The following ZNF420 variants were observed in gnomAD, a reference collection of about 807,000 sequenced individuals.
ZNF420 encodes zinc finger protein 420.
Under a neutral mutation model 44.7 loss-of-function variants are expected in ZNF420, and 31 were observed. That is an observed-to-expected ratio of 0.69 (90% confidence interval 0.52 to 0.94). The LOEUF (loss-of-function observed/expected upper bound fraction) is 0.94, where lower values mean the gene tolerates loss of function less well. ZNF420 is among the 40% of genes least tolerant of loss of function. The pLI, the probability that ZNF420 is intolerant of heterozygous loss-of-function variation, is 0.00. For synonymous variants in ZNF420, 245 were observed against 267.4 expected, an observed-to-expected ratio of 0.92 and a Z score of 0.82; for missense variants, 681 against 827.9, an observed-to-expected ratio of 0.82 and a Z score of 2.18.
intron 1 of ZNF420, among the ~76,000 whole-genome samples, chr19:37,009,721 A>T (rs2074554186): frequency 1.3e-5 from 2 of 152,088 alleles, no homozygotes; most frequent in Admixed American, 6.5e-5. Context: ...GGCCCATGGG[A>T]TCTTTCTGTG....
chr19:37,122,026 T>C (rs1200456928), intron 4 of ZNF420, among the ~76,000 whole-genome samples: 4 of 152,238 alleles, frequency 2.6e-5, no homozygotes, highest in Admixed American at 2.6e-4. Flanking sequence ...GACTGTAAAC[T>C]AGTTCAACCA....
chr19:37,044,445 GC>G (rs1054331585), intron 1 of ZNF420, among the ~76,000 whole-genome samples: 6 of 152,298 alleles, frequency 3.9e-5, no homozygotes, highest in Admixed American at 6.5e-5. Flanking sequence ...CCTTAGACCA[GC>G]CCCCCAGTAA....
intron 1 of ZNF420, among the ~76,000 whole-genome samples, chr19:37,053,314 C>G (rs1350821283): frequency 6.6e-6 from 1 of 152,160 alleles, no homozygotes; most frequent in Non-Finnish European, 1.5e-5. Context: ...AAACTTCCTC[C>G]TTTAGCTCAG....
chr19:37,078,108 G>C (rs1352152239), upstream of ZNF420: 3 of 152,830 alleles, frequency 2.0e-5, no homozygotes, highest in Non-Finnish European at 4.4e-5. Flanking sequence ...CTGCCTGGCC[G>C]GCGGGTCCCA....
At chr19:37,017,924 T>C (rs1257884715) in intron 1 of ZNF420, among the ~76,000 whole-genome samples, 1 of 151,674 alleles carries the variant, frequency 6.6e-6, no homozygotes, top group Non-Finnish European at 1.5e-5. Context: ...CCCAAAAGAC[T>C]CCATAAACAA....
chr19:37,127,333 T>C lies in ZNF420; in HGVS notation c.342T>C (p.Tyr114=), dbSNP rs772507713. 6.2e-7 allele frequency: 1 copy of C among 1,611,680 alleles called. No individual in the cohort carries two copies. The highest frequency in any genetic ancestry group is 1.7e-5 in the Admixed American group (1 of 59,878). The stretch of plus-strand genomic sequence containing the variant: ...ATTTCAGGCAAGGGATGATCATATA[T>C]GACAAAATGTCCATTTTCAACCAGC... ...KEYFRQGMII[Y]DKMSIFNQHT... is the part of the protein sequence containing the mutation. The change falls in exon 5 of 5, where the codon TAT becomes TAC. Residue 114 remains tyrosine, a synonymous_variant. Coordinates refer to ENST00000337995, the MANE Select transcript of ZNF420 (RefSeq NM_144689.5).
chr19:37,071,633 T>G (rs1968058786), intron 1 of ZNF420, among the ~76,000 whole-genome samples: 1 of 152,064 alleles, frequency 6.6e-6, no homozygotes, highest in Non-Finnish European at 1.5e-5. Context: ...AAACCCCATC[T>G]CTACTGAAAA....
At chr19:37,081,056 CAAA>C (rs35087056) in intron 2 of ZNF420, among the ~76,000 whole-genome samples, 7 of 79,306 alleles carry the variant, frequency 8.8e-5, no homozygotes, top group Non-Finnish European at 1.1e-4. Flanking sequence ...GACTCTGTCT[CAAA>C]AAAAAAAAAA....
chr19:37,099,228 T>C (rs1969625534), intron 4 of ZNF420, among the ~76,000 whole-genome samples: 1 of 152,186 alleles, frequency 6.6e-6, no homozygotes, highest in African/African-American at 2.4e-5. Flanking sequence ...ATATGGTAGT[T>C]CTATGTTTAC....
Position 37,043,107 on chromosome 19 carries a change from TCAC to T in ZNF420, c.-125+35028_-125+35030del, listed in dbSNP as rs1395769497. Among the ~76,000 whole-genome samples the T allele has an allele frequency of 1.1e-4, 16 of 152,268 alleles. No individual in the cohort carries two copies. In the East Asian group the frequency reaches 2.9e-3, roughly 28 times the overall value. On this transcript the variant is annotated intron_variant, in intron 1 of 4. Transcript: ENST00000587029. ...TACCTCAAAGACCACCTATCACAGA[TCAC>T]CATAACAGAGTAATAGTAATCGAAA...
chr19:37,024,250 G>A (rs2562596), intron 1 of ZNF420, among the ~76,000 whole-genome samples: 3,666 of 152,098 alleles, frequency 0.024, 162 homozygotes, highest in African/African-American at 0.083. Context: ...GATTGAACTA[G>A]TGTAACTCTG....
intron 4 of ZNF420, among the ~76,000 whole-genome samples, chr19:37,110,262 G>A (rs574835800): frequency 1.2e-4 from 18 of 152,284 alleles, no homozygotes; most frequent in African/African-American, 3.1e-4. Flanking sequence ...TTGCCATAAC[G>A]CATTAGGACA....
chr19:37,024,725 C>T (rs1967121042), intron 1 of ZNF420, among the ~76,000 whole-genome samples: 1 of 152,140 alleles, frequency 6.6e-6, no homozygotes, highest in Non-Finnish European at 1.5e-5. Context: ...GCTGGAATGA[C>T]AGGCGTGAGC....
At chr19:37,076,843 T>C (rs1968169714), upstream of ZNF420, among the ~76,000 whole-genome samples, 1 of 152,206 alleles carries the variant, frequency 6.6e-6, no homozygotes, top group Non-Finnish European at 1.5e-5. Flanking sequence ...TACGTGTGCA[T>C]GTGAATTGGA....
chr19:37,044,919 C>A (rs1448212961), intron 1 of ZNF420, among the ~76,000 whole-genome samples: 1 of 152,184 alleles, frequency 6.6e-6, no homozygotes, highest in Non-Finnish European at 1.5e-5. Flanking sequence ...CATATGTAAG[C>A]TTTTGGAGCT....
chr19:37,012,232 T>C (rs994061229), intron 1 of ZNF420, among the ~76,000 whole-genome samples: 1 of 152,178 alleles, frequency 6.6e-6, no homozygotes, highest in African/African-American at 2.4e-5. Context: ...CTCCTCGACC[T>C]TGGATCCAGG....
chr19:37,120,661 T>C (rs865996630), intron 4 of ZNF420, among the ~76,000 whole-genome samples: 2,897 of 151,850 alleles, frequency 0.019, 76 homozygotes, highest in East Asian at 0.048. Context: ...GGTTATTCAA[T>C]TAGGAAAAGA....
intron 1 of ZNF420, among the ~76,000 whole-genome samples, chr19:37,024,605 C>T (rs886102751): frequency 6.6e-6 from 1 of 152,064 alleles, no homozygotes; most frequent in African/African-American, 2.4e-5. Context: ...GCCGTCACCA[C>T]ACCTGGCTAA....
At chr19:37,069,823 C>T (rs1040235303) in intron 1 of ZNF420, among the ~76,000 whole-genome samples, 3 of 151,968 alleles carry the variant, frequency 2.0e-5, no homozygotes, top group Non-Finnish European at 4.4e-5. Context: ...AAAGTTATAA[C>T]CTTACCAGTT....
Sources: gnomAD v4.1 joint callset for allele counts (sites outside exome capture counted in the v4.1 genomes callset) on GRCh38, gnomAD v4.1.1 for gene constraint, MANE v1.5 for transcripts, NCBI Gene and HGNC (gene_info 2026-07-23, HGNC 2026-07-21) for gene names.